NPC2: variants seen among roughly 807,000 people sequenced by gnomAD.
The protein encoded by NPC2 is NPC intracellular cholesterol transporter 2.
In NPC2, 14 loss-of-function variants were observed where a neutral mutation model predicts 17.0. The observed-to-expected ratio is 0.82, with a 90% confidence interval of 0.54 to 1.29. NPC2 has a LOEUF of 1.29. Among genes scored for constraint, NPC2 ranks in the 50% most tolerant of loss-of-function variants. The probability of loss-of-function intolerance (pLI) is 0.00; values close to 1 mark genes in which losing one functional copy is unlikely to be tolerated. For synonymous variants in NPC2, 75 were observed against 69.3 expected (o/e 1.08, Z -0.41); for missense variants, 167 against 183.4 (o/e 0.91, Z 0.52).
intron 3 of NPC2, 142 bp downstream of exon 3, chr14:74,484,273 C>T: frequency 1.2e-6 from 1 of 866,530 alleles, no homozygotes; most frequent in Non-Finnish European, 1.9e-6. Flanking sequence ...CCTAACACCG[C>T]ACCTATCTCC....
chr14:74,484,334 A>T, intron 3 of NPC2, 81 bp downstream of exon 3: 1 of 1,454,824 alleles, frequency 6.9e-7, no homozygotes, highest in Non-Finnish European at 9.7e-7. Flanking sequence ...CTTTACCCCC[A>T]TCTCTGCTTC....
At chr14:74,486,469 TAGG>T (rs759153880) in intron 1 of NPC2, 33 bp from the exon 2 acceptor site, 4 of 1,540,112 alleles carry the variant, frequency 2.6e-6, no homozygotes, top group African/African-American at 2.7e-5. Context: ...AATAGGAGAA[TAGG>T]AGGAGAAATA....
chr14:74,480,664 C>T (rs1595220337), intron 4 of NPC2, 38 bp downstream of exon 4: 1 of 1,504,112 alleles, frequency 6.6e-7, no homozygotes, highest in African/African-American at 1.4e-5. Flanking sequence ...CCACTTTCTT[C>T]CCTCCACCCA....
rs559958541 is a variant in NPC2, at chr14:74,480,432, GA to G, written c.442-145del. On this transcript the variant is annotated intron_variant, in intron 4 of 4. Coordinates refer to ENST00000555619, the MANE Select transcript of NPC2 (RefSeq NM_006432.5). ...TGGCTGGACCTTCCTTACTCCGACA[GA>G]AAAAAACCAATGAAGACAGTTAAAT... is the stretch of plus-strand genomic sequence containing the variant. 3.7e-4 allele frequency: 299 copies of G among 811,914 alleles called. 1 individual carries two copies. Among genetic ancestry groups the G allele is most frequent in the Middle Eastern group, 2.4e-3 (7 of 2,880 alleles). 50.3% of individuals were successfully genotyped at this position (811,914 alleles called of 1,614,324 possible). A position where few individuals can be genotyped will look rare whatever the true frequency, so the allele number is the denominator to read the frequency against.
At position 74,481,776 on chromosome 14, in the gene NPC2, T is replaced by TG. The variant is rs2086658162; in HGVS notation, c.364-998_364-997insC. ...ATGTACTTCATCAGAAATCCCTGCC[T>TG]TGACTTGTTACACTCATATCACGTG... On this transcript the variant is annotated intron_variant, in intron 3 of 4. Transcript: ENST00000555619. Among the ~76,000 whole-genome samples the TG allele has an allele frequency of 1.5e-4, 23 of 152,384 alleles. 3 individuals carry two copies. Among genetic ancestry groups the TG allele is most frequent in the Admixed American group, 1.3e-3 (20 of 15,306 alleles).
chr14:74,486,483 A>T, intron 1 of NPC2, 47 bp from the exon 2 acceptor site: 1 of 1,499,874 alleles, frequency 6.7e-7, no homozygotes, highest in Non-Finnish European at 9.1e-7. Context: ...AGGAGAAATA[A>T]GCCAGCTAGG....
At chr14:74,483,583 TCCA>T (rs2086677259) in intron 3 of NPC2, 1 of 1,280,850 alleles carries the variant, frequency 7.8e-7, no homozygotes, top group South Asian at 1.7e-5. Context: ...GTGCCAGCAT[TCCA>T]GACTTCAAAA....
At chr14:74,481,074 T>G (rs1449421973) in intron 3 of NPC2, among the ~76,000 whole-genome samples, 2 of 152,240 alleles carry the variant, frequency 1.3e-5, no homozygotes, top group Admixed American at 1.3e-4. Flanking sequence ...ATAAATGAAG[T>G]GATACGGTTT....
intron 1 of NPC2, among the ~76,000 whole-genome samples, chr14:74,490,843 TGA>T (rs2086763847): frequency 6.6e-6 from 1 of 152,256 alleles, no homozygotes; most frequent in Admixed American, 6.5e-5. Context: ...AATCTGTAAC[TGA>T]AACCCTTCTT....
In NPC2 at chr14:74,488,345, G is replaced by C. The variant is rs571105306; in HGVS notation, c.83-1909C>G. 1.1e-4 allele frequency among the ~76,000 whole-genome samples: 17 copies of C among 152,246 alleles called. 2 individuals are homozygous for C. In the South Asian group the frequency reaches 3.5e-3, roughly 32 times the overall value. On this transcript the variant is annotated intron_variant, in intron 1 of 4. Transcript: ENST00000555619. Reference sequence around the variant, plus strand: ...TCTTTCACCCCAACTTGACTTCCTAGAGAAATAAGCAGCACTATTAAAGGT... The same window carrying C: ...TCTTTCACCCCAACTTGACTTCCTACAGAAATAAGCAGCACTATTAAAGGT...
intron 3 of NPC2, among the ~76,000 whole-genome samples, chr14:74,483,934 C>T (rs4903228): frequency 0.65 from 98,273 of 152,026 alleles, 32,235 homozygotes; most frequent in African/African-American, 0.73. Flanking sequence ...AATCAATTAC[C>T]TCATTTTATA....
rs769572626 is a variant in NPC2, at chr14:74,484,573, T to TTTTA, written c.201_204dup (p.Ser69Ter). 2 of 1,614,064 alleles carry TTTTA rather than the reference T, an allele frequency of 1.2e-6. No individual in the cohort carries two copies. The highest frequency in any genetic ancestry group is 1.7e-6 in the Non-Finnish European group (2 of 1,179,992). Reference sequence around the variant, plus strand: ...ATGCCATGCACCACGGCCTTGCTGCTTTTAGACTGAATATCTAAGAGAAAA... The same window carrying TTTTA: ...ATGCCATGCACCACGGCCTTGCTGCTTTTATTTAGACTGAATATCTAAGAGAAAA... On this transcript the variant is annotated stop_gained and frameshift_variant, in exon 3 of 5. Coordinates refer to ENST00000555619, the MANE Select transcript of NPC2 (RefSeq NM_006432.5). LOFTEE classifies it high-confidence loss of function.
At chr14:74,483,098 T>G in intron 3 of NPC2, 1 of 1,153,714 alleles carries the variant, frequency 8.7e-7, no homozygotes, top group East Asian at 2.4e-5. Flanking sequence ...AGAAAGCAAG[T>G]TGAAGTCAAC....
intron 3 of NPC2, among the ~76,000 whole-genome samples, 164 bp downstream of exon 3, chr14:74,484,251 T>C (rs1445395361): frequency 6.6e-6 from 1 of 152,134 alleles, no homozygotes; most frequent in Non-Finnish European, 1.5e-5. Context: ...AGACCTGCCC[T>C]ACCTCCTGAT....
rs565096834 is a variant in NPC2, at chr14:74,487,412, G to A, written c.83-976C>T. ...TCCTCCTGAGTAGCTAGAACAATAG[G>A]CATGCACCACCACACCCGGCTAATT... is the stretch of plus-strand genomic sequence containing the variant. On this transcript the variant is annotated intron_variant, in intron 1 of 4. Coordinates refer to ENST00000555619, the MANE Select transcript of NPC2 (RefSeq NM_006432.5). Among the ~76,000 whole-genome samples the A allele has an allele frequency of 5.9e-5, 9 of 151,840 alleles. No individual in the cohort carries two copies. In the East Asian group the frequency reaches 1.7e-3, roughly 29 times the overall value.
chr14:74,480,005 C>T lies in NPC2; in HGVS notation c.*269G>A. 1 of 1,422,658 alleles carries T rather than the reference C, an allele frequency of 7.0e-7. No individual in the cohort carries two copies. Among genetic ancestry groups the T allele is most frequent in the Non-Finnish European group, 9.2e-7 (1 of 1,090,048 alleles). The allele number at this position is 1,422,658 out of a possible 1,614,324, so 88.1% of individuals were successfully genotyped here. Reference sequence around the variant, plus strand: ...TAAATTTCCAGGTGTAGAAAGAGGCCACAAGTTAATGTTGTTAAAAAAAAA... The same window carrying T: ...TAAATTTCCAGGTGTAGAAAGAGGCTACAAGTTAATGTTGTTAAAAAAAAA... On this transcript the variant is annotated 3_prime_UTR_variant, in exon 5 of 5. Coordinates refer to ENST00000555619, the MANE Select transcript of NPC2 (RefSeq NM_006432.5).
chr14:74,486,397 G>C lies in NPC2; in HGVS notation c.122C>G (p.Pro41Arg). 6.2e-7 allele frequency: 1 copy of C among 1,604,524 alleles called. No homozygotes were observed. Among genetic ancestry groups the C allele is most frequent in the South Asian group, 1.1e-5 (1 of 88,838 alleles). ...CAGCTGGCAGGGTTGGGTGGGGCAT[G>C]GGCTCACATTCACTTCCTTTATAAC... ...DGVIKEVNVSPCPTQPCQLSK... is the reference protein window; with the variant it reads ...DGVIKEVNVSRCPTQPCQLSK... Residue 41 changes from proline (P) to arginine (R), a missense_variant, in exon 2 of 5, where the codon CCA becomes CGA. Physicochemically the swap from Pro to Arg is moderately radical, Grantham distance 103. Coordinates refer to ENST00000555619, the MANE Select transcript of NPC2 (RefSeq NM_006432.5).
chr14:74,488,366 A>C (rs1356058648), intron 1 of NPC2, among the ~76,000 whole-genome samples: 1 of 152,140 alleles, frequency 6.6e-6, no homozygotes, highest in Admixed American at 6.5e-5. Flanking sequence ...AGCACTATTA[A>C]AGGTATAGGT....
At chr14:74,484,679 T>A in intron 2 of NPC2, 92 bp from the exon 3 acceptor site, 1 of 1,353,856 alleles carries the variant, frequency 7.4e-7, no homozygotes, top group Admixed American at 1.9e-5. Context: ...AGCAACAGCA[T>A]TCCTAGGGTC....
Sources: allele counts gnomAD v4.1 joint callset (sites outside exome capture counted in the v4.1 genomes callset), GRCh38; gene constraint gnomAD v4.1.1; transcripts MANE v1.5; gene names NCBI Gene and HGNC (gene_info 2026-07-23, HGNC 2026-07-21).